Variants in KLC1 observed in about 807,000 individuals in gnomAD.
The protein encoded by KLC1 is kinesin 2 60/70kDa.
KLC1 carries 30 observed loss-of-function variants against 84.2 expected under a neutral mutation model. That is an observed-to-expected ratio of 0.36 (90% CI 0.27 to 0.48). The LOEUF is 0.48. Among genes scored for constraint, KLC1 ranks in the 20% least tolerant of loss-of-function variants. KLC1 has a pLI of 0.99. For synonymous variants in KLC1, 289 were observed against 293.3 expected (o/e 0.99, Z 0.15); for missense variants, 499 against 805.4 (o/e 0.62, Z 4.60).
At chr14:103,689,289 AGTT>A (rs1567039928) in intron 14 of KLC1, among the ~76,000 whole-genome samples, 1 of 152,212 alleles carries the variant, frequency 6.6e-6, no homozygotes, top group Non-Finnish European at 1.5e-5. Context: ...CAGCTCTCAG[AGTT>A]GTTCTGTTTT....
intron 1 of KLC1, among the ~76,000 whole-genome samples, chr14:103,638,873 C>T (rs900857370): frequency 2.6e-5 from 4 of 151,334 alleles, no homozygotes; most frequent in Admixed American, 2.0e-4. Context: ...TATGTATGAA[C>T]ATAGGGTGTA....
chr14:103,663,744 G>A (rs1312961252), intron 5 of KLC1, among the ~76,000 whole-genome samples: 1 of 152,174 alleles, frequency 6.6e-6, no homozygotes, highest in African/African-American at 2.4e-5. Flanking sequence ...CTTTGGCTCA[G>A]TGCCTAGGAT....
intron 1 of KLC1, among the ~76,000 whole-genome samples, chr14:103,652,503 T>C (rs947345817): frequency 2.0e-5 from 3 of 152,108 alleles, no homozygotes; most frequent in African/African-American, 7.2e-5. Flanking sequence ...TGTTCTTTTT[T>C]TTTTTTGAGA....
At chr14:103,688,359 C>T (rs1412014948) in intron 14 of KLC1, among the ~76,000 whole-genome samples, 1 of 152,156 alleles carries the variant, frequency 6.6e-6, no homozygotes, top group East Asian at 1.9e-4. Flanking sequence ...CCATGTTAGC[C>T]AGGCTGGTCT....
chr14:103,696,093 C>CGGGGGGGGGGCGG, intron 15 of KLC1: 1 of 129,320 alleles, frequency 7.7e-6, no homozygotes, highest in Non-Finnish European at 9.2e-6. Flanking sequence ...AATCACTGCG[C>CGGGGGGGGGGCGG]CCCCGCCCCC....
At chr14:103,650,151 ATAGT>A (rs1567014469) in intron 1 of KLC1, among the ~76,000 whole-genome samples, 1 of 152,046 alleles carries the variant, frequency 6.6e-6, no homozygotes, top group Non-Finnish European at 1.5e-5. Flanking sequence ...AAAAAAGTTC[ATAGT>A]TAGAATAACC....
intron 1 of KLC1, among the ~76,000 whole-genome samples, chr14:103,647,255 G>A (rs1236304482): frequency 1.3e-5 from 2 of 151,456 alleles, no homozygotes; most frequent in Non-Finnish European, 2.9e-5. Context: ...ACGGAGTGTT[G>A]CTCTGTCACC....
intron 15 of KLC1, chr14:103,696,996 G>T (rs1595603187): frequency 7.1e-6 from 7 of 985,466 alleles, no homozygotes; most frequent in Non-Finnish European, 8.4e-6. Context: ...GCCAGCATGG[G>T]CGGGGCCGGC....
At chr14:103,696,435 T>G in intron 15 of KLC1, 1 of 984,980 alleles carries the variant, frequency 1.0e-6, no homozygotes, top group Non-Finnish European at 1.2e-6. Context: ...AAATTCAGTG[T>G]TTATAGTAAG....
At chr14:103,661,479 A>G (rs895008344) in intron 3 of KLC1, among the ~76,000 whole-genome samples, 2 of 152,176 alleles carry the variant, frequency 1.3e-5, no homozygotes, top group Non-Finnish European at 2.9e-5. Flanking sequence ...TCTAAAAGCA[A>G]TGTGTCTTTA....
At chr14:103,638,804 G>A (rs771825049) in intron 1 of KLC1, among the ~76,000 whole-genome samples, 8 of 151,456 alleles carry the variant, frequency 5.3e-5, no homozygotes, top group Admixed American at 3.9e-4. Context: ...GTGTGTGTGC[G>A]TGAGCACAGT....
In KLC1 at chr14:103,694,986, G is replaced by C. The variant is rs778493849; in HGVS notation, c.1848+2561G>C. ...CCAGGAGCTGCCCTGTGGAGCCAGCGTTGTCCCCGAGCTGCTCGCCTGTGG... is the reference window on the plus strand; with the variant it reads ...CCAGGAGCTGCCCTGTGGAGCCAGCCTTGTCCCCGAGCTGCTCGCCTGTGG... On this transcript the variant is annotated intron_variant, in intron 15 of 16. Transcript: ENST00000334553. The surrounding 1 kb of genome is among the most constrained non-coding windows in gnomAD (Gnocchi z 4.5). The C allele has an allele frequency of 1.0e-6, 1 of 985,296 alleles. No individual in the cohort carries two copies. The highest frequency in any genetic ancestry group is 1.2e-6 in the Non-Finnish European group (1 of 829,946). The allele number at this position is 985,296 out of a possible 1,614,324, so 61.0% of individuals were successfully genotyped here.
chr14:103,690,155 T>C (rs2151842723), intron 14 of KLC1, among the ~76,000 whole-genome samples: 2 of 151,322 alleles, frequency 1.3e-5, no homozygotes, highest in African/African-American at 2.4e-5. Flanking sequence ...CACTCCAGCC[T>C]GGGCGATGGA....
chr14:103,696,182 G>A (rs2082496098), intron 15 of KLC1: 10 of 983,866 alleles, frequency 1.0e-5, no homozygotes, highest in Non-Finnish European at 1.2e-5. Flanking sequence ...TCTGTGGGCG[G>A]ACAGCATATC....
chr14:103,681,000 G>A (rs1209093342), intron 13 of KLC1, among the ~76,000 whole-genome samples: 4 of 152,202 alleles, frequency 2.6e-5, no homozygotes, highest in African/African-American at 4.8e-5. Context: ...CAGGGGGTTC[G>A]TGGGCAGGTG....
chr14:103,666,212 T>C lies in KLC1; in HGVS notation c.797+3285T>C, dbSNP rs561959642. 2.0e-3 allele frequency among the ~76,000 whole-genome samples: 302 copies of C among 152,170 alleles called. 4 individuals carry two copies. The highest frequency in any genetic ancestry group is 1.7e-3 in the East Asian group (9 of 5,172). Reference sequence around the variant, plus strand: ...CCGAGTAGCTGGGACTACAGGCGCCTGCCACCGCGCCCGGCTAATTTTTTG... The same window carrying C: ...CCGAGTAGCTGGGACTACAGGCGCCCGCCACCGCGCCCGGCTAATTTTTTG... On this transcript the variant is annotated intron_variant, in intron 5 of 16. Coordinates refer to ENST00000334553, the MANE Select transcript of KLC1 (RefSeq NM_001394837.1).
chr14:103,699,726 G>A, intron 15 of KLC1: 1 of 748,946 alleles, frequency 1.3e-6, no homozygotes, highest in Non-Finnish European at 2.3e-6. Flanking sequence ...CATACTCTGA[G>A]CCCAATTCTG....
intron 9 of KLC1, among the ~76,000 whole-genome samples, chr14:103,674,645 C>T (rs914874741): frequency 8.5e-5 from 13 of 152,212 alleles, no homozygotes; most frequent in African/African-American, 3.1e-4. Flanking sequence ...GAACTCCTGA[C>T]CTCAGGTGAT....
intron 1 of KLC1, among the ~76,000 whole-genome samples, chr14:103,652,545 G>A (rs897395486): frequency 6.6e-6 from 1 of 151,928 alleles, no homozygotes; most frequent in Non-Finnish European, 1.5e-5. Flanking sequence ...AGGCTGGAGT[G>A]CAGTGGCGCG....
Sources: gnomAD v4.1 joint callset for allele counts (sites outside exome capture counted in the v4.1 genomes callset) on GRCh38, gnomAD v4.1.1 for gene constraint, Gnocchi (gnomAD v3.1) non-coding constraint, MANE v1.5 for transcripts, NCBI Gene and HGNC (gene_info 2026-07-23, HGNC 2026-07-21) for gene names.